The following GALNTL6 variants were observed in gnomAD, a reference collection of about 807,000 sequenced individuals.
GALNTL6 encodes the protein polypeptide N-acetylgalactosaminyltransferase like 6.
Under a neutral mutation model 73.7 loss-of-function variants are expected in GALNTL6, and 46 were observed. The ratio of observed to expected loss-of-function variants is 0.62; its 90% confidence interval spans 0.49 to 0.80. The LOEUF (loss-of-function observed/expected upper bound fraction) is 0.80. Ranked by LOEUF, GALNTL6 falls within the 30% of genes least tolerant of loss-of-function variation. The probability of loss-of-function intolerance (pLI) is 0.00; values close to 1 mark genes in which losing one functional copy is unlikely to be tolerated. For synonymous variants in GALNTL6, 259 were observed against 263.7 expected (o/e 0.98, Z 0.17); for missense variants, 604 against 755.0 (o/e 0.80, Z 2.34).
chr4:172,974,431 C>G (rs748395009), intron 10 of GALNTL6, among the ~76,000 whole-genome samples: 1 of 152,174 alleles, frequency 6.6e-6, no homozygotes, highest in Non-Finnish European at 1.5e-5. Flanking sequence ...TGAAATTATA[C>G]AATTAGTAAA....
chr4:171,903,482 CG>C (rs1737171280), intron 2 of GALNTL6, among the ~76,000 whole-genome samples: 1 of 152,050 alleles, frequency 6.6e-6, no homozygotes, highest in Non-Finnish European at 1.5e-5. Context: ...TCACGTGGCT[CG>C]GAGGGTCCCA....
intron 5 of GALNTL6, among the ~76,000 whole-genome samples, chr4:172,423,852 G>T (rs1229109808): frequency 6.6e-6 from 1 of 151,970 alleles, no homozygotes; most frequent in African/African-American, 2.4e-5. Flanking sequence ...TGATTTAATG[G>T]AAACCACTGT....
At chr4:172,358,065 C>T (rs1186563814) in intron 5 of GALNTL6, among the ~76,000 whole-genome samples, 1 of 152,056 alleles carries the variant, frequency 6.6e-6, no homozygotes, top group Non-Finnish European at 1.5e-5. Context: ...GTCCATTTAT[C>T]TGTCTATTTA....
chr4:172,434,382 C>G (rs1278361141), intron 5 of GALNTL6, among the ~76,000 whole-genome samples: 2 of 152,046 alleles, frequency 1.3e-5, no homozygotes, highest in Non-Finnish European at 2.9e-5. Context: ...TTACCCTTCT[C>G]CCTTTAAGCT....
intron 5 of GALNTL6, among the ~76,000 whole-genome samples, chr4:172,758,469 G>T (rs6819441): frequency 6.6e-6 from 1 of 151,980 alleles, no homozygotes; most frequent in Non-Finnish European, 1.5e-5. Context: ...CCAGGAGGCA[G>T]AGGTTTCAGT....
At chr4:172,070,705 C>G (rs565327586) in intron 2 of GALNTL6, among the ~76,000 whole-genome samples, 1 of 109,628 alleles carries the variant, frequency 9.1e-6, no homozygotes, top group East Asian at 2.1e-4. Flanking sequence ...CTGTGATAGT[C>G]TGTTATAGCA....
intron 9 of GALNTL6, among the ~76,000 whole-genome samples, chr4:172,948,370 T>A (rs1186313143): frequency 1.3e-5 from 2 of 152,210 alleles, no homozygotes; most frequent in Non-Finnish European, 2.9e-5. Flanking sequence ...TTGGAATATG[T>A]CCATGATCCA....
chr4:172,223,897 A>G lies in GALNTL6; in HGVS notation c.139-5759A>G, dbSNP rs546556043. On this transcript the variant is annotated intron_variant, in intron 2 of 12. Transcript: ENST00000506823. ...GTCCTCCCATTGTGTTAGTTTTTTG[A>G]TAGTGTTCCATTTGCTTAAAACATT... Among the ~76,000 whole-genome samples, 3 of 152,146 alleles carry G rather than the reference A, an allele frequency of 2.0e-5. No homozygotes were observed. In the East Asian group the frequency reaches 5.8e-4, roughly 29 times the overall value.
chr4:172,247,937 G>A (rs1188447653), intron 3 of GALNTL6, among the ~76,000 whole-genome samples: 1 of 151,972 alleles, frequency 6.6e-6, no homozygotes, highest in African/African-American at 2.4e-5. Flanking sequence ...ATACATGACT[G>A]TGTGAAAAAT....
intron 5 of GALNTL6, among the ~76,000 whole-genome samples, chr4:172,699,907 G>T (rs1442606944): frequency 2.0e-5 from 3 of 152,072 alleles, no homozygotes; most frequent in African/African-American, 4.8e-5. Context: ...AAGCAGTTGA[G>T]GCCTGTAATA....
intron 5 of GALNTL6, among the ~76,000 whole-genome samples, chr4:172,632,267 G>C (rs1032888196): frequency 1.3e-5 from 2 of 152,358 alleles, no homozygotes; most frequent in East Asian, 3.9e-4. Context: ...CTGGGTAACA[G>C]GCAGAGGCTG....
At chr4:171,828,374 C>T (rs186943433) in intron 2 of GALNTL6, among the ~76,000 whole-genome samples, 20 of 152,194 alleles carry the variant, frequency 1.3e-4, no homozygotes, top group Non-Finnish European at 2.4e-4. Context: ...AAAACCATAA[C>T]CTTGAATAGC....
At chr4:172,201,803 G>A (rs115834943) in intron 2 of GALNTL6, among the ~76,000 whole-genome samples, 1,914 of 152,140 alleles carry the variant, frequency 0.013, 36 homozygotes, top group African/African-American at 0.043. Flanking sequence ...TTATCAAAAG[G>A]CAATGATAAT....
intron 4 of GALNTL6, among the ~76,000 whole-genome samples, chr4:172,318,096 C>A (rs796332479): frequency 6.6e-6 from 1 of 152,206 alleles, no homozygotes; most frequent in Non-Finnish European, 1.5e-5. Context: ...TAGAAGCCAT[C>A]TCTCAAAACT....
intron 2 of GALNTL6, among the ~76,000 whole-genome samples, chr4:172,177,791 A>ATATATACACACACATATATGTGTGTG (rs1735074435): frequency 2.3e-4 from 23 of 101,784 alleles, no homozygotes; most frequent in Admixed American, 6.1e-4. Context: ...ACACATGTGT[A>ATATATACACACACATATATGTGTGTG]TATATATACA....
chr4:172,820,160 G>A (rs1427797996), intron 7 of GALNTL6, among the ~76,000 whole-genome samples: 1 of 152,216 alleles, frequency 6.6e-6, no homozygotes, highest in East Asian at 1.9e-4. Context: ...ACCCAGGCTT[G>A]GGTTGACTAA....
chr4:172,414,586 C>T (rs536591983), intron 5 of GALNTL6, among the ~76,000 whole-genome samples: 3 of 152,094 alleles, frequency 2.0e-5, no homozygotes, highest in Non-Finnish European at 4.4e-5. Context: ...CTACTCTTAG[C>T]GGCACACTGT....
intron 5 of GALNTL6, among the ~76,000 whole-genome samples, chr4:172,760,891 A>T (rs1738046185): frequency 6.6e-6 from 1 of 152,196 alleles, no homozygotes; most frequent in African/African-American, 2.4e-5. Context: ...TGACAAAGTA[A>T]CCCGAACGGT....
At chr4:172,544,281 C>T (rs546635448) in intron 5 of GALNTL6, among the ~76,000 whole-genome samples, 1 of 152,276 alleles carries the variant, frequency 6.6e-6, no homozygotes, top group South Asian at 2.1e-4. Flanking sequence ...TCTCAGGAAA[C>T]ACAATATACT....
Sources: gnomAD v4.1 joint callset for allele counts (sites outside exome capture counted in the v4.1 genomes callset) on GRCh38, gnomAD v4.1.1 for gene constraint, MANE v1.5 for transcripts, NCBI Gene and HGNC (gene_info 2026-07-23, HGNC 2026-07-21) for gene names.